The following PCDHGA3 variants were observed in gnomAD, a reference collection of about 807,000 sequenced individuals.
PCDHGA3 encodes the protein protocadherin gamma-A3.
A neutral mutation model predicts 58.5 loss-of-function variants in PCDHGA3; 40 were observed. The observed-to-expected ratio is 0.68, with a 90% CI of 0.53 to 0.89. The LOEUF (loss-of-function observed/expected upper bound fraction) is 0.89. Ranked by LOEUF, PCDHGA3 falls within the 40% of genes least tolerant of loss-of-function variation. The pLI, the probability that PCDHGA3 is intolerant of heterozygous loss-of-function variation, is 0.00. For synonymous variants in PCDHGA3, 530 were observed against 525.7 expected (o/e 1.01, Z -0.11); for missense variants, 1,223 against 1,195.9 (o/e 1.02, Z -0.33).
At chr5:141,370,954 A>G (rs1326457567) in intron 1 of PCDHGA3, 2 of 1,613,992 alleles carry the variant, frequency 1.2e-6, no homozygotes, top group Non-Finnish European at 1.7e-6. Context: ...GAGAACCTGG[A>G]TGGCAGTAGG....
At chr5:141,348,601 G>A (rs576514167) in intron 1 of PCDHGA3, among the ~76,000 whole-genome samples, 1 of 152,244 alleles carries the variant, frequency 6.6e-6, no homozygotes, top group East Asian at 1.9e-4. Flanking sequence ...TGAGAGTATG[G>A]AACCCATACA....
chr5:141,375,630 C>T (rs1162494057), intron 1 of PCDHGA3: 2 of 1,614,246 alleles, frequency 1.2e-6, no homozygotes, highest in Non-Finnish European at 1.7e-6. Flanking sequence ...ATTCTGTACG[C>T]CCTGCGCTCC....
At chr5:141,464,976 A>G (rs2154568682) in intron 1 of PCDHGA3, among the ~76,000 whole-genome samples, 1 of 152,214 alleles carries the variant, frequency 6.6e-6, no homozygotes, top group East Asian at 1.9e-4. Flanking sequence ...TACTGGCTTC[A>G]AGTGATCCTC....
chr5:141,360,636 A>T (rs550512719), intron 1 of PCDHGA3: 2 of 1,614,030 alleles, frequency 1.2e-6, no homozygotes, highest in East Asian at 4.5e-5. Flanking sequence ...CTAACTCACT[A>T]CAAAGATACC....
At chr5:141,429,735 T>C (rs911956546) in intron 1 of PCDHGA3, among the ~76,000 whole-genome samples, 1 of 152,202 alleles carries the variant, frequency 6.6e-6, no homozygotes. Flanking sequence ...ACGTAGCCAG[T>C]TATTTCTTAG....
Position 141,485,210 on chromosome 5 carries a change from C to G in PCDHGA3, c.2425-9597C>G. 2 of 1,614,058 alleles carry G rather than the reference C, an allele frequency of 1.2e-6. No individual in the cohort carries two copies. The highest frequency in any genetic ancestry group is 1.7e-6 in the Non-Finnish European group (2 of 1,179,934). On this transcript the variant is annotated intron_variant, in intron 1 of 3. Transcript: ENST00000253812. The surrounding 1 kb of genome is among the most constrained non-coding windows in gnomAD (Gnocchi z 5.7). ...GGTGAGAAGCTGGACAGAAATCTGG[C>G]GGTGGGCTACCCTTTTGTTCCTCTT...
chr5:141,451,532 G>T (rs1168984212), intron 1 of PCDHGA3, among the ~76,000 whole-genome samples: 1 of 152,180 alleles, frequency 6.6e-6, no homozygotes, highest in African/African-American at 2.4e-5. Flanking sequence ...AAAGGAGAGT[G>T]CCAGAGAGGG....
At chr5:141,420,457 T>A in intron 1 of PCDHGA3, 1 of 927,890 alleles carries the variant, frequency 1.1e-6, no homozygotes. Flanking sequence ...TTCCTACTAT[T>A]CAAAGACATT....
At chr5:141,428,290 C>A in intron 1 of PCDHGA3, 1 of 726,802 alleles carries the variant, frequency 1.4e-6, no homozygotes, top group Non-Finnish European at 2.4e-6. Context: ...CCAAGCAAAG[C>A]TGCAGATTTA....
In PCDHGA3 at chr5:141,420,282, T is replaced by C. The variant is rs543435018; in HGVS notation, c.2424+73825T>C. 2.1e-5 allele frequency: 31 copies of C among 1,510,188 alleles called. No homozygotes were observed. In the African/African-American group the frequency reaches 4.0e-4, roughly 20 times the overall value. 93.5% of individuals were successfully genotyped at this position (1,510,188 alleles called of 1,614,324 possible). On this transcript the variant is annotated intron_variant, in intron 1 of 3. Coordinates refer to ENST00000253812, the MANE Select transcript of PCDHGA3 (RefSeq NM_018916.4). ...AAGAAGATTCTTAAACAGGTAAGTA[T>C]TTAAAAATGTATTTAATCCTTTTTA...
intron 1 of PCDHGA3, chr5:141,416,557 T>C (rs1428283225): frequency 3.9e-5 from 6 of 152,112 alleles, no homozygotes; most frequent in Non-Finnish European, 8.8e-5. Flanking sequence ...CCTGAAACTC[T>C]GAAAACTCTG....
At chr5:141,390,150 C>T (rs768850867) in intron 1 of PCDHGA3, 1 of 1,613,916 alleles carries the variant, frequency 6.2e-7, no homozygotes, top group African/African-American at 1.3e-5. Flanking sequence ...ATGTGTTGCA[C>T]ATACAGGAAA....
chr5:141,357,861 A>G (rs1390320754), intron 1 of PCDHGA3: 3 of 586,608 alleles, frequency 5.1e-6, no homozygotes, highest in Non-Finnish European at 8.7e-6. Context: ...AGAATTTTCT[A>G]ATTTTACAAC....
intron 1 of PCDHGA3, among the ~76,000 whole-genome samples, chr5:141,458,719 G>A (rs891521416): frequency 5.9e-5 from 9 of 151,684 alleles, no homozygotes; most frequent in Non-Finnish European, 1.2e-4. Context: ...ACAGGTATTC[G>A]CCACCACATC....
chr5:141,471,046 C>CTT (rs1170588345), intron 1 of PCDHGA3, among the ~76,000 whole-genome samples: 26 of 113,248 alleles, frequency 2.3e-4, no homozygotes, highest in Non-Finnish European at 3.0e-4. Context: ...CCCAAGCCCT[C>CTT]TTTTTTTTTT....
At position 141,477,493 on chromosome 5, in the gene PCDHGA3, A is replaced by G. The variant is rs2154575835; in HGVS notation, c.2425-17314A>G. ...ATGACAACCCTCCACAATCTTCTCA[A>G]TCTTCCTACGACGTTTACATTGAAG... On this transcript the variant is annotated intron_variant, in intron 1 of 3. Transcript: ENST00000253812. This position sits in a 1 kb window ranked among gnomAD's most constrained non-coding sequence, Gnocchi z 4.9. 6.2e-7 allele frequency: 1 copy of G among 1,613,976 alleles called. No individual in the cohort carries two copies. The highest frequency in any genetic ancestry group is 1.6e-4 in the Middle Eastern group (1 of 6,062).
chr5:141,371,692 C>A (rs1172182153), intron 1 of PCDHGA3: 1 of 1,614,048 alleles, frequency 6.2e-7, no homozygotes, highest in South Asian at 1.1e-5. Flanking sequence ...CCACCGCTCT[C>A]CTCCAGCAAG....
At chr5:141,380,936 C>G (rs905887369) in intron 1 of PCDHGA3, among the ~76,000 whole-genome samples, 1 of 152,194 alleles carries the variant, frequency 6.6e-6, no homozygotes, top group African/African-American at 2.4e-5. Flanking sequence ...ATACACTTTG[C>G]TTGCCTCAAC....
Position 141,346,223 on chromosome 5 carries a change from C to A in PCDHGA3, c.2190C>A (p.Gly730=). The change falls in exon 1 of 4, where the codon GGC becomes GGA. Residue 730 remains glycine (G), a synonymous_variant. Coordinates refer to ENST00000253812, the MANE Select transcript of PCDHGA3 (RefSeq NM_018916.4). ...CACGCCTGCTGCAGGCTTCGGGAGGCGGCTTGGCGAGTACGCCCGGCTCGC... is the reference window on the plus strand; with the variant it reads ...CACGCCTGCTGCAGGCTTCGGGAGGAGGCTTGGCGAGTACGCCCGGCTCGC... ...HKSRLLQASG[G]GLASTPGSHF... is the part of the protein sequence containing the mutation. The A allele has an allele frequency of 1.2e-6, 2 of 1,614,210 alleles. No homozygotes were observed. The highest frequency in any genetic ancestry group is 1.1e-5 in the South Asian group (1 of 91,082).
Sources: gnomAD v4.1 joint callset for allele counts (sites outside exome capture counted in the v4.1 genomes callset) on GRCh38, gnomAD v4.1.1 for gene constraint, Gnocchi (gnomAD v3.1) non-coding constraint, MANE v1.5 for transcripts, NCBI Gene and HGNC (gene_info 2026-07-23, HGNC 2026-07-21) for gene names.